Variants in BMPR1A observed in about 807,000 individuals in gnomAD.
The protein encoded by BMPR1A is bone morphogenetic protein receptor type 1A.
In BMPR1A, 7 loss-of-function variants were observed where a neutral mutation model predicts 66.0. The ratio of observed to expected loss-of-function variants is 0.11; its 90% CI spans 0.06 to 0.20. The LOEUF (loss-of-function observed/expected upper bound fraction) is 0.20, where lower values mean the gene tolerates loss of function less well. BMPR1A is among the 10% of genes least tolerant of loss of function. The probability of loss-of-function intolerance (pLI) is 1.00; values close to 1 mark genes in which losing one functional copy is unlikely to be tolerated. For synonymous variants in BMPR1A, 200 were observed against 229.7 expected, an observed-to-expected ratio of 0.87 and a Z score of 1.17; for missense variants, 408 against 669.1, an observed-to-expected ratio of 0.61 and a Z score of 4.31.
chr10:86,820,286 T>C (rs971820406), intron 1 of BMPR1A, among the ~76,000 whole-genome samples: 3 of 152,164 alleles, frequency 2.0e-5, no homozygotes, highest in African/African-American at 7.2e-5. Flanking sequence ...TAAGCAATCC[T>C]CTTGCCTTGG....
Position 86,802,865 on chromosome 10 carries a change from G to GT in BMPR1A, c.-267-35998dup, listed in dbSNP as rs554624092. Among the ~76,000 whole-genome samples, 10 of 152,060 alleles carry GT rather than the reference G, an allele frequency of 6.6e-5. No homozygotes were observed. The East Asian group carries it at 1.4e-3, about 21-fold the overall frequency. On this transcript the variant is annotated intron_variant, in intron 1 of 12. Coordinates refer to ENST00000372037, the MANE Select transcript of BMPR1A (RefSeq NM_004329.3). Reference sequence around the variant, plus strand: ...GCAGGAGGATTGCTTGAGCCCAGGAGTTGGAGACCTGCGTGGACAACGTAG... The same window carrying GT: ...GCAGGAGGATTGCTTGAGCCCAGGAGTTTGGAGACCTGCGTGGACAACGTAG...
intron 1 of BMPR1A, among the ~76,000 whole-genome samples, chr10:86,837,523 GA>G (rs145838595): frequency 0.082 from 12,432 of 152,184 alleles, 609 homozygotes; most frequent in African/African-American, 0.093. Flanking sequence ...GGCTTTGGAG[GA>G]AAATCTCTTT....
At chr10:86,846,076 T>C (rs1279216692) in intron 2 of BMPR1A, among the ~76,000 whole-genome samples, 2 of 152,144 alleles carry the variant, frequency 1.3e-5, no homozygotes, top group Non-Finnish European at 2.9e-5. Context: ...CCACTGCAGC[T>C]GGTCCTGAGC....
chr10:86,806,252 T>C (rs1222291553), intron 1 of BMPR1A, among the ~76,000 whole-genome samples: 1 of 152,170 alleles, frequency 6.6e-6, no homozygotes, highest in Non-Finnish European at 1.5e-5. Flanking sequence ...TGTTTTCCAG[T>C]TTCTCTTCTC....
At position 86,919,449 on chromosome 10, in the gene BMPR1A, C is replaced by A. The variant is rs786203626; in HGVS notation, c.1146C>A (p.Gly382=). 3.1e-6 allele frequency: 5 copies of A among 1,613,278 alleles called. No homozygotes were observed. Among genetic ancestry groups the A allele is most frequent in the Non-Finnish European group, 4.2e-6 (5 of 1,179,864 alleles). Residue 382 remains glycine (G), a synonymous_variant, in exon 10 of 13, where the codon GGC becomes GGA. Coordinates refer to ENST00000372037, the MANE Select transcript of BMPR1A (RefSeq NM_004329.3). ...GGAGTTGCTGCATTGCTGACCTGGG[C>A]CTTGCTGTTAAATTCAACAGGTGAG... ...KNGSCCIADL[G]LAVKFNSDTN... is the part of the protein sequence containing the mutation.
chr10:86,763,123 T>C (rs951314959), intron 1 of BMPR1A, among the ~76,000 whole-genome samples: 4 of 151,952 alleles, frequency 2.6e-5, no homozygotes, highest in African/African-American at 9.7e-5. Flanking sequence ...CTCGAACTCC[T>C]GACCTCGTGA....
chr10:86,829,488 T>G (rs1048214329), intron 1 of BMPR1A, among the ~76,000 whole-genome samples: 5 of 152,184 alleles, frequency 3.3e-5, no homozygotes, highest in African/African-American at 1.2e-4. Flanking sequence ...TTTTATGTGT[T>G]TAGTGCTGTG....
chr10:86,885,610 C>T lies in BMPR1A; in HGVS notation c.68-4452C>T, dbSNP rs79293804. On this transcript the variant is annotated intron_variant, in intron 3 of 12. Coordinates refer to ENST00000372037, the MANE Select transcript of BMPR1A (RefSeq NM_004329.3). ...CAGTTGTAGACATGCCACCTTTTCC[C>T]TAGTTCTTGCTTCCTTGTACTTGAC... is the stretch of plus-strand genomic sequence containing the variant. 1.6e-3 allele frequency among the ~76,000 whole-genome samples: 247 copies of T among 152,346 alleles called. 1 individual carries two copies. The highest frequency in any genetic ancestry group is 0.01 in the East Asian group (53 of 5,190).
upstream of BMPR1A, chr10:86,755,890 G>A (rs1355639431): frequency 6.6e-6 from 1 of 152,094 alleles, no homozygotes; most frequent in Admixed American, 6.5e-5. Flanking sequence ...AGATCCTCCC[G>A]GCCGGGGAGC....
chr10:86,833,530 C>T (rs1842302329), intron 1 of BMPR1A, among the ~76,000 whole-genome samples: 1 of 152,082 alleles, frequency 6.6e-6, no homozygotes, highest in South Asian at 2.1e-4. Flanking sequence ...GCTTGTGATC[C>T]CAAGATTTTA....
intron 2 of BMPR1A, among the ~76,000 whole-genome samples, chr10:86,857,307 G>T (rs79185803): frequency 2.0e-5 from 3 of 152,034 alleles, no homozygotes; most frequent in Non-Finnish European, 4.4e-5. Flanking sequence ...CATGAGGCTC[G>T]TGAGTAACAA....
chr10:86,815,316 T>A (rs1842021427), intron 1 of BMPR1A, among the ~76,000 whole-genome samples: 1 of 152,214 alleles, frequency 6.6e-6, no homozygotes, highest in Admixed American at 6.5e-5. Flanking sequence ...TTTCCTTTGT[T>A]TCTGGAGAAC....
Position 86,776,453 on chromosome 10 carries a change from C to T in BMPR1A, c.-268+19534C>T, listed in dbSNP as rs140546155. 2.5e-3 allele frequency among the ~76,000 whole-genome samples: 375 copies of T among 152,222 alleles called. 1 individual carries two copies. Among genetic ancestry groups the T allele is most frequent in the African/African-American group, 8.6e-3 (358 of 41,540 alleles). On this transcript the variant is annotated intron_variant, in intron 1 of 12. Transcript: ENST00000372037. ...TCTTTTTCACATCTAAGGTTATGAA[C>T]CTCTTGAATTTTGTGAGGCCATGGG...
At chr10:86,887,250 C>T (rs1843079165) in intron 3 of BMPR1A, among the ~76,000 whole-genome samples, 1 of 152,200 alleles carries the variant, frequency 6.6e-6, no homozygotes, top group African/African-American at 2.4e-5. Context: ...CTTTGCGTTT[C>T]TAGCATTTAA....
intron 7 of BMPR1A, 75 bp downstream of exon 7, chr10:86,900,201 G>T: frequency 7.2e-7 from 1 of 1,397,176 alleles, no homozygotes; most frequent in Non-Finnish European, 1.0e-6. Context: ...AAAGCCAGTT[G>T]CAGAAACCAT....
intron 1 of BMPR1A, among the ~76,000 whole-genome samples, chr10:86,789,759 A>C (rs1841573699): frequency 6.6e-6 from 1 of 151,924 alleles, no homozygotes; most frequent in Admixed American, 6.6e-5. Context: ...GAAAACCAAA[A>C]ATCTAATTTA....
At chr10:86,901,760 T>C (rs1371938715) in intron 7 of BMPR1A, among the ~76,000 whole-genome samples, 1 of 152,194 alleles carries the variant, frequency 6.6e-6, no homozygotes, top group Admixed American at 6.5e-5. Context: ...GTAAGACAGG[T>C]GATAATATCT....
intron 1 of BMPR1A, among the ~76,000 whole-genome samples, chr10:86,780,830 T>C (rs1564682043): frequency 6.6e-6 from 1 of 152,192 alleles, no homozygotes; most frequent in Non-Finnish European, 1.5e-5. Context: ...ACATGTAATT[T>C]TAAACTTTCT....
In BMPR1A at chr10:86,909,123, A is replaced by G. The variant is rs1317063128; in HGVS notation, c.531-3117A>G. ...GTAGTCATAATAATGCAAGCACTGA[A>G]TGTTGAGCTAAACAAATAATATAAC... On this transcript the variant is annotated intron_variant, in intron 7 of 12. Coordinates refer to ENST00000372037, the MANE Select transcript of BMPR1A (RefSeq NM_004329.3). Among the ~76,000 whole-genome samples the G allele has an allele frequency of 2.6e-5, 4 of 152,210 alleles. 1 individual carries two copies. In the South Asian group the frequency reaches 8.3e-4, roughly 32 times the overall value.
Sources: gnomAD v4.1 joint callset for allele counts (sites outside exome capture counted in the v4.1 genomes callset) on GRCh38, gnomAD v4.1.1 for gene constraint, MANE v1.5 for transcripts, NCBI Gene and HGNC (gene_info 2026-07-23, HGNC 2026-07-21) for gene names.